The following MTMR7 variants were observed in gnomAD, a reference collection of about 807,000 sequenced individuals.
MTMR7 encodes the protein myotubularin related protein 7.
A neutral mutation model predicts 81.2 loss-of-function variants in MTMR7; 76 were observed. The observed-to-expected ratio is 0.94, with a 90% confidence interval of 0.78 to 1.13. MTMR7 has a LOEUF of 1.13. Among genes scored for constraint, MTMR7 ranks in the 50% most tolerant of loss-of-function variants. The pLI, the probability that MTMR7 is intolerant of heterozygous loss-of-function variation, is 0.00. For missense variants in MTMR7, 1,044 were observed against 820.0 expected (o/e 1.27, Z -3.34); for synonymous variants, 372 against 289.8 (o/e 1.28, Z -2.88).
At chr8:17,373,812 G>A (rs1820492756) in intron 1 of MTMR7, among the ~76,000 whole-genome samples, 2 of 152,092 alleles carry the variant, frequency 1.3e-5, no homozygotes, top group Admixed American at 6.6e-5. Flanking sequence ...CCTAATGAAT[G>A]GCATTATCAC....
At chr8:17,407,226 G>A (rs973202779) in intron 1 of MTMR7, among the ~76,000 whole-genome samples, 1 of 151,512 alleles carries the variant, frequency 6.6e-6, no homozygotes, top group African/African-American at 2.4e-5. Flanking sequence ...GTAACAAAAT[G>A]GTCAGTAAAC....
intron 1 of MTMR7, among the ~76,000 whole-genome samples, chr8:17,397,816 G>A (rs986603815): frequency 6.6e-6 from 1 of 152,190 alleles, no homozygotes; most frequent in Non-Finnish European, 1.5e-5. Context: ...AGTCCCAGTG[G>A]TGGTGGCCAC....
Position 17,308,706 on chromosome 8 carries a change from C to T in MTMR7, c.1151+571G>A, listed in dbSNP as rs572208536. On this transcript the variant is annotated intron_variant, in intron 10 of 13. Coordinates refer to ENST00000180173, the MANE Select transcript of MTMR7 (RefSeq NM_004686.5). ...AAAAGGAGGCTGGTGACTCCCAAAA[C>T]AACAGCTTTGGCATCCCCATTCCAC... 2.0e-5 allele frequency among the ~76,000 whole-genome samples: 3 copies of T among 152,156 alleles called. No homozygotes were observed. In the South Asian group the frequency reaches 6.2e-4, roughly 32 times the overall value.
chr8:17,335,231 GC>G (rs1819197547), intron 6 of MTMR7, among the ~76,000 whole-genome samples: 1 of 152,098 alleles, frequency 6.6e-6, no homozygotes, highest in Non-Finnish European at 1.5e-5. Flanking sequence ...TCCACGAGGG[GC>G]CCTGAGTGTC....
chr8:17,373,903 A>C (rs930606923), intron 1 of MTMR7, among the ~76,000 whole-genome samples: 1 of 152,212 alleles, frequency 6.6e-6, no homozygotes, highest in Non-Finnish European at 1.5e-5. Flanking sequence ...ATGCAGACCA[A>C]TTTTAAGGAC....
chr8:17,405,649 T>G (rs11785121), intron 1 of MTMR7, among the ~76,000 whole-genome samples: 1 of 151,972 alleles, frequency 6.6e-6, no homozygotes, highest in African/African-American at 2.4e-5. Flanking sequence ...CTTGAAAAGA[T>G]AGTATAGAAC....
Position 17,299,742 on chromosome 8 carries a change from G to A in MTMR7, c.*120C>T. 1 of 1,389,126 alleles carries A rather than the reference G, an allele frequency of 7.2e-7. No homozygotes were observed. 86.1% of individuals were successfully genotyped at this position (1,389,126 alleles called of 1,614,324 possible). On this transcript the variant is annotated 3_prime_UTR_variant, in exon 14 of 14. Coordinates refer to ENST00000180173, the MANE Select transcript of MTMR7 (RefSeq NM_004686.5). ...GGCACTTTTTTCCCTTTTCATAGCT[G>A]CATTAAAGTAGTTCTCAATGACATG...
chr8:17,357,546 A>C lies in MTMR7; in HGVS notation c.468+3571T>G, dbSNP rs561628305. ...TGCAACTTTAAGCAAAAGAACATAA[A>C]ACACCTTTTTTTCCCTCATAGCTAT... On this transcript the variant is annotated intron_variant, in intron 4 of 13. Transcript: ENST00000180173. Among the ~76,000 whole-genome samples the C allele has an allele frequency of 2.6e-4, 35 of 134,980 alleles. 1 individual carries two copies. The South Asian group carries it at 7.9e-3, about 30-fold the overall frequency. The allele number at this position is 134,980 out of a possible 152,430, so 88.6% of individuals were successfully genotyped here.
chr8:17,368,602 C>T (rs975313109), intron 3 of MTMR7, among the ~76,000 whole-genome samples: 1 of 152,184 alleles, frequency 6.6e-6, no homozygotes, highest in Non-Finnish European at 1.5e-5. Context: ...TAACCCCTTC[C>T]ACATTTCCCC....
intron 1 of MTMR7, among the ~76,000 whole-genome samples, chr8:17,400,234 G>A (rs1821387292): frequency 6.6e-6 from 1 of 152,190 alleles, no homozygotes; most frequent in South Asian, 2.1e-4. Context: ...TATAGCTACT[G>A]TGCTAGGCAC....
At chr8:17,372,262 C>A (rs1393029078) in intron 2 of MTMR7, among the ~76,000 whole-genome samples, 1 of 152,104 alleles carries the variant, frequency 6.6e-6, no homozygotes, top group Non-Finnish European at 1.5e-5. Context: ...ATCTACAATT[C>A]AGGGATGTCA....
intron 11 of MTMR7, among the ~76,000 whole-genome samples, chr8:17,305,101 C>T (rs1817366824): frequency 6.6e-6 from 1 of 152,142 alleles, no homozygotes; most frequent in Admixed American, 6.5e-5. Flanking sequence ...ACTTGAGCTT[C>T]CTTAGAGAAA....
chr8:17,309,464 A>T (rs1817668904), intron 9 of MTMR7, 138 bp from the exon 10 acceptor site: 2 of 678,550 alleles, frequency 2.9e-6, no homozygotes, highest in Non-Finnish European at 5.3e-6. Flanking sequence ...ATGAACAGGC[A>T]TTATCCACCC....
intron 7 of MTMR7, among the ~76,000 whole-genome samples, chr8:17,318,216 C>G (rs1016134096): frequency 5.3e-5 from 8 of 152,120 alleles, no homozygotes; most frequent in African/African-American, 1.4e-4. Context: ...CTTCCTTATG[C>G]ACGGAAGCCC....
At chr8:17,391,071 G>A (rs1303851550) in intron 1 of MTMR7, among the ~76,000 whole-genome samples, 2 of 152,176 alleles carry the variant, frequency 1.3e-5, no homozygotes, top group Non-Finnish European at 2.9e-5. Context: ...TCCAGGCAGA[G>A]GGAACAACAA....
At chr8:17,355,194 T>C (rs1487471898) in intron 4 of MTMR7, among the ~76,000 whole-genome samples, 1 of 152,186 alleles carries the variant, frequency 6.6e-6, no homozygotes, top group Admixed American at 6.5e-5. Context: ...GGATGTGTCA[T>C]ATTAACAAAA....
At chr8:17,403,575 A>G (rs1164634535) in intron 1 of MTMR7, among the ~76,000 whole-genome samples, 1 of 152,100 alleles carries the variant, frequency 6.6e-6, no homozygotes, top group Non-Finnish European at 1.5e-5. Context: ...TTGTTACTCT[A>G]TGTAACTTTT....
At chr8:17,407,146 C>T (rs777604754) in intron 1 of MTMR7, among the ~76,000 whole-genome samples, 2 of 151,804 alleles carry the variant, frequency 1.3e-5, no homozygotes. Context: ...TATTGAAATA[C>T]ACACACTATA....
intron 4 of MTMR7, among the ~76,000 whole-genome samples, chr8:17,354,484 A>G (rs1326253412): frequency 1.3e-5 from 2 of 152,236 alleles, no homozygotes; most frequent in African/African-American, 2.4e-5. Flanking sequence ...AGACTACCAT[A>G]AGCAAGTGTC....
Sources: gnomAD v4.1 joint callset for allele counts (sites outside exome capture counted in the v4.1 genomes callset) on GRCh38, gnomAD v4.1.1 for gene constraint, MANE v1.5 for transcripts, NCBI Gene and HGNC (gene_info 2026-07-23, HGNC 2026-07-21) for gene names.